The following RGPD1 variants were observed in gnomAD, a reference collection of about 807,000 sequenced individuals.
The protein encoded by RGPD1 is RANBP2 like and GRIP domain containing 1.
A neutral mutation model predicts 40.6 loss-of-function variants in RGPD1; 7 were observed. The observed-to-expected ratio is 0.17, with a 90% CI of 0.10 to 0.32. The LOEUF is 0.32. Ranked by LOEUF, RGPD1 falls within the 10% of genes least tolerant of loss-of-function variation. The pLI, the probability that RGPD1 is intolerant of heterozygous loss-of-function variation, is 1.00. For missense variants in RGPD1, 50 were observed against 472.5 expected, an observed-to-expected ratio of 0.11 and a Z score of 8.29; for synonymous variants, 24 against 167.0, an observed-to-expected ratio of 0.14 and a Z score of 6.60.
chr2:87,007,539 G>A (rs1317322481), intron 22 of RGPD1, among the ~76,000 whole-genome samples: 3 of 150,686 alleles, frequency 2.0e-5, no homozygotes, highest in Non-Finnish European at 3.0e-5. Flanking sequence ...CATTATGCCT[G>A]GCTAATTTTT....
intron 6 of RGPD1, among the ~76,000 whole-genome samples, chr2:86,962,646 T>G (rs1681004882): frequency 8.2e-6 from 1 of 121,594 alleles, no homozygotes. Flanking sequence ...ATGTCTAATT[T>G]GAGAAATTAC....
intron 6 of RGPD1, among the ~76,000 whole-genome samples, chr2:86,960,692 C>A (rs1423750536): frequency 9.6e-6 from 1 of 104,612 alleles, no homozygotes; most frequent in Non-Finnish European, 1.8e-5. Flanking sequence ...AGGGTTCATG[C>A]CATTCTCCTG....
chr2:86,940,971 A>G (rs1475133293), upstream of RGPD1, among the ~76,000 whole-genome samples: 2 of 152,022 alleles, frequency 1.3e-5, no homozygotes, highest in East Asian at 1.9e-4. Flanking sequence ...TTCACATCCA[A>G]TATGGTTGAA....
intron 1 of RGPD1, among the ~76,000 whole-genome samples, chr2:86,925,142 G>T (rs186541824): frequency 2.0e-5 from 3 of 152,216 alleles, no homozygotes; most frequent in Non-Finnish European, 1.5e-5. Context: ...TTTGTAAGCT[G>T]GTGAAGTTCT....
chr2:87,006,330 AT>A (rs1344142349), intron 22 of RGPD1, among the ~76,000 whole-genome samples: 1 of 11,326 alleles, frequency 8.8e-5, no homozygotes, highest in South Asian at 2.9e-3. Flanking sequence ...AAAGGCTTAC[AT>A]GAAAAAAGTA....
chr2:86,918,499 A>G (rs1378573180), intron 1 of RGPD1, among the ~76,000 whole-genome samples: 7 of 117,136 alleles, frequency 6.0e-5, no homozygotes, highest in East Asian at 2.3e-4. Flanking sequence ...TTGCTCTGTC[A>G]CCTAGGCTGG....
intron 22 of RGPD1, among the ~76,000 whole-genome samples, chr2:87,009,085 C>T (rs577575868): frequency 0.019 from 2,705 of 143,588 alleles, 82 homozygotes; most frequent in Non-Finnish European, 0.029. Context: ...GCGGGCAGAT[C>T]GCAAGGTCAG....
At chr2:86,955,076 C>G (rs201144305) in intron 4 of RGPD1, among the ~76,000 whole-genome samples, 1 of 11,200 alleles carries the variant, frequency 8.9e-5, no homozygotes, top group African/African-American at 2.3e-4. Flanking sequence ...TCTCGGCTCA[C>G]TGCCACCTGT....
intron 1 of RGPD1, among the ~76,000 whole-genome samples, chr2:86,942,994 C>T (rs942449892): frequency 3.3e-5 from 5 of 151,848 alleles, no homozygotes; most frequent in African/African-American, 9.7e-5. Context: ...CTTGGGCACC[C>T]GGGTGCTGTA....
chr2:86,934,677 C>T lies in RGPD1; in HGVS notation c.73-16619C>T, dbSNP rs540829853. ...CAAGGCAGGATTTTCGATGAGCCCT[C>T]GGCAGTTAGGGTAAGCAGGTTTCAG... On this transcript the variant is annotated intron_variant, in intron 1 of 22. Transcript: ENST00000398193. 4.2e-3 allele frequency: 808 copies of T among 193,374 alleles called. 3 individuals carry two copies. The highest frequency in any genetic ancestry group is 0.017 in the African/African-American group (682 of 41,070). The allele number at this position is 193,374 out of a possible 1,614,324, so 12.0% of individuals were successfully genotyped here.
chr2:86,941,867 C>T (rs1172090485), upstream of RGPD1, among the ~76,000 whole-genome samples: 5 of 151,708 alleles, frequency 3.3e-5, no homozygotes, highest in African/African-American at 7.3e-5. Flanking sequence ...CCCACCTCCA[C>T]GCCCGGGTAA....
chr2:86,924,216 C>T (rs1346614386), intron 1 of RGPD1, among the ~76,000 whole-genome samples: 1 of 151,490 alleles, frequency 6.6e-6, no homozygotes, highest in Non-Finnish European at 1.5e-5. Flanking sequence ...AGTGCAGTGG[C>T]ACGATCTCGG....
chr2:86,928,561 A>G (rs552165632), intron 1 of RGPD1, among the ~76,000 whole-genome samples: 49 of 152,276 alleles, frequency 3.2e-4, no homozygotes, highest in African/African-American at 1.2e-3. Context: ...ACAGATGATG[A>G]TGGTTTAGGT....
intron 1 of RGPD1, among the ~76,000 whole-genome samples, chr2:86,942,738 A>G (rs1280910720): frequency 1.3e-5 from 2 of 149,822 alleles, no homozygotes; most frequent in Non-Finnish European, 3.0e-5. Flanking sequence ...CTCAGGCGTC[A>G]TGGCTCCTGA....
At chr2:86,930,609 C>T in intron 1 of RGPD1, 2 of 1,611,656 alleles carry the variant, frequency 1.2e-6, no homozygotes, top group Non-Finnish European at 8.5e-7. Context: ...GTAGGTGCAG[C>T]AGCCAGTCTC....
At chr2:86,944,660 G>A (rs912983115) in intron 1 of RGPD1, among the ~76,000 whole-genome samples, 13 of 152,066 alleles carry the variant, frequency 8.5e-5, no homozygotes, top group Admixed American at 7.2e-4. Context: ...TGATTTCCCC[G>A]CCTCCACTTC....
At chr2:86,924,741 C>T (rs1362203368) in intron 1 of RGPD1, among the ~76,000 whole-genome samples, 13 of 152,012 alleles carry the variant, frequency 8.6e-5, no homozygotes, top group Middle Eastern at 3.4e-3. Context: ...CAAAGTGCTG[C>T]GATTACAGGC....
chr2:86,942,492 CGGCGGCCTCG>C, intron 1 of RGPD1, among the ~76,000 whole-genome samples, 184 bp downstream of exon 1: 3 of 136,382 alleles, frequency 2.2e-5, no homozygotes, highest in African/African-American at 8.0e-5. Flanking sequence ...CGGGCGGCGG[CGGCGGCCTCG>C]ACCTGGCCGG....
intron 1 of RGPD1, among the ~76,000 whole-genome samples, chr2:86,914,489 T>C (rs867189808): frequency 4.0e-4 from 2 of 4,952 alleles, no homozygotes; most frequent in African/African-American, 3.5e-3. Flanking sequence ...GGCCTCGGCC[T>C]GGCCGGGCTG....
Sources: allele counts gnomAD v4.1 joint callset (sites outside exome capture counted in the v4.1 genomes callset), GRCh38; gene constraint gnomAD v4.1.1; transcripts MANE v1.5; gene names NCBI Gene and HGNC (gene_info 2026-07-23, HGNC 2026-07-21).